The following KCNAB1 variants were observed in gnomAD, a reference collection of about 807,000 sequenced individuals.
KCNAB1 encodes potassium voltage-gated channel subfamily A regulatory beta subunit 1.
KCNAB1 carries 35 observed loss-of-function variants against 64.6 expected under a neutral mutation model. The observed-to-expected ratio is 0.54, with a 90% CI of 0.41 to 0.72. The LOEUF (loss-of-function observed/expected upper bound fraction) is 0.72. Among genes scored for constraint, KCNAB1 ranks in the 30% least tolerant of loss-of-function variants. KCNAB1 has a pLI of 0.00. For synonymous variants in KCNAB1, 177 were observed against 183.8 expected (o/e 0.96, Z 0.30); for missense variants, 401 against 512.9 (o/e 0.78, Z 2.11).
chr3:156,358,669 A>T (rs1346415694), intron 1 of KCNAB1, among the ~76,000 whole-genome samples: 1 of 148,614 alleles, frequency 6.7e-6, no homozygotes, highest in East Asian at 2.0e-4. Context: ...TTCTCTTTCC[A>T]TTTTTTTTTT....
At chr3:156,169,974 A>G (rs1711852899) in intron 1 of KCNAB1, among the ~76,000 whole-genome samples, 1 of 152,186 alleles carries the variant, frequency 6.6e-6, no homozygotes, top group South Asian at 2.1e-4. Flanking sequence ...GCCCTGATCA[A>G]TCATATTCCC....
chr3:156,358,836 A>G (rs1224591807), intron 1 of KCNAB1, among the ~76,000 whole-genome samples: 1 of 152,126 alleles, frequency 6.6e-6, no homozygotes, highest in Non-Finnish European at 1.5e-5. Flanking sequence ...AAACATCTAG[A>G]AGCATGTCTG....
At chr3:156,401,411 T>C (rs1156850775) in intron 1 of KCNAB1, among the ~76,000 whole-genome samples, 1 of 152,230 alleles carries the variant, frequency 6.6e-6, no homozygotes, top group African/African-American at 2.4e-5. Context: ...AATCACTGAA[T>C]TGAGTCTTAA....
chr3:156,423,306 T>C (rs547824425), intron 2 of KCNAB1, among the ~76,000 whole-genome samples: 17 of 152,210 alleles, frequency 1.1e-4, no homozygotes, highest in Middle Eastern at 6.8e-3. Context: ...GAGAGAAGAA[T>C]ATCTGGAATG....
chr3:156,175,959 A>G, intron 1 of KCNAB1: 1 of 998,532 alleles, frequency 1.0e-6, no homozygotes. Context: ...CGGGCAGCTC[A>G]TACAGTATTC....
chr3:156,125,506 C>T (rs928998082), intron 1 of KCNAB1, among the ~76,000 whole-genome samples: 10 of 152,280 alleles, frequency 6.6e-5, no homozygotes, highest in South Asian at 2.1e-4. Context: ...ACATTTCAAA[C>T]GATAGTTGAC....
intron 1 of KCNAB1, among the ~76,000 whole-genome samples, chr3:156,364,124 G>A (rs1344577095): frequency 6.6e-6 from 1 of 152,218 alleles, no homozygotes; most frequent in Admixed American, 6.5e-5. Context: ...GGCATGCCAA[G>A]GAGGGCATGG....
intron 1 of KCNAB1, among the ~76,000 whole-genome samples, chr3:156,334,822 G>A (rs75646040): frequency 0.022 from 3,364 of 152,110 alleles, 138 homozygotes; most frequent in African/African-American, 0.076. Flanking sequence ...CTCTATACCC[G>A]TCAGAACTCA....
chr3:156,367,197 G>A (rs1197540204), intron 1 of KCNAB1, among the ~76,000 whole-genome samples: 1 of 143,488 alleles, frequency 7.0e-6, no homozygotes, highest in Non-Finnish European at 1.5e-5. Context: ...TTTTTCTGAG[G>A]CGGAGTCTCG....
At chr3:156,352,066 C>A (rs1452793822) in intron 1 of KCNAB1, among the ~76,000 whole-genome samples, 1 of 152,220 alleles carries the variant, frequency 6.6e-6, no homozygotes, top group Non-Finnish European at 1.5e-5. Flanking sequence ...TTCCTGCAGC[C>A]ATTTCAGCTC....
intron 1 of KCNAB1, among the ~76,000 whole-genome samples, chr3:156,130,624 A>G (rs1713939171): frequency 6.6e-6 from 1 of 152,264 alleles, no homozygotes; most frequent in African/African-American, 2.4e-5. Context: ...TGCAGACTGC[A>G]GATGCACATC....
At chr3:156,460,820 C>T (rs1352796390) in intron 5 of KCNAB1, among the ~76,000 whole-genome samples, 1 of 152,174 alleles carries the variant, frequency 6.6e-6, no homozygotes, top group Non-Finnish European at 1.5e-5. Context: ...ATGATTTAAA[C>T]TCTCTCTAGG....
chr3:156,231,615 T>TA (rs1716536725), intron 1 of KCNAB1, among the ~76,000 whole-genome samples: 1 of 151,218 alleles, frequency 6.6e-6, no homozygotes, highest in South Asian at 2.1e-4. Context: ...TTTTAGGTCT[T>TA]ATAAGAAACA....
At chr3:156,190,205 G>A (rs77313260) in intron 1 of KCNAB1, among the ~76,000 whole-genome samples, 1 of 151,994 alleles carries the variant, frequency 6.6e-6, no homozygotes, top group African/African-American at 2.4e-5. Context: ...CTTTCCTTCC[G>A]CCTGCTCCCC....
At chr3:156,256,821 G>A (rs1343126793) in intron 1 of KCNAB1, among the ~76,000 whole-genome samples, 1 of 152,202 alleles carries the variant, frequency 6.6e-6, no homozygotes, top group Non-Finnish European at 1.5e-5. Flanking sequence ...GTTGGGTTCA[G>A]CCCATTGGCA....
chr3:156,480,106 A>G (rs925889183), intron 8 of KCNAB1, among the ~76,000 whole-genome samples: 2 of 152,124 alleles, frequency 1.3e-5, no homozygotes, highest in Non-Finnish European at 2.9e-5. Flanking sequence ...AAAAGTTTTC[A>G]AAACCAAAAT....
At chr3:156,168,819 A>G (rs1464152903) in intron 1 of KCNAB1, among the ~76,000 whole-genome samples, 1 of 152,212 alleles carries the variant, frequency 6.6e-6, no homozygotes, top group Admixed American at 6.5e-5. Flanking sequence ...ATTTGTACTG[A>G]AAAATGGAAG....
intron 1 of KCNAB1, among the ~76,000 whole-genome samples, chr3:156,223,326 C>G (rs1159320235): frequency 6.6e-6 from 1 of 152,346 alleles, no homozygotes; most frequent in South Asian, 2.1e-4. Context: ...CCATTGCTGG[C>G]TTGGGCAGCC....
At chr3:156,536,531 G>A in intron 13 of KCNAB1, 127 bp from the exon 14 acceptor site, 1 of 705,938 alleles carries the variant, frequency 1.4e-6, no homozygotes, top group South Asian at 1.6e-5. Flanking sequence ...GGGGGCGGGG[G>A]GCTTAGATTT....
Sources: gnomAD v4.1 joint callset for allele counts (sites outside exome capture counted in the v4.1 genomes callset) on GRCh38, gnomAD v4.1.1 for gene constraint, MANE v1.5 for transcripts, NCBI Gene and HGNC (gene_info 2026-07-23, HGNC 2026-07-21) for gene names.